The following WT1 variants were observed in gnomAD, a reference collection of about 807,000 sequenced individuals.
WT1 encodes WT1 transcription factor, also known as Wilms tumor protein.
Under a neutral mutation model 60.8 loss-of-function variants are expected in WT1, and 8 were observed. That is an observed-to-expected ratio of 0.13 (90% CI 0.08 to 0.24). The LOEUF is 0.24. Among genes scored for constraint, WT1 ranks in the 10% least tolerant of loss-of-function variants. The probability of loss-of-function intolerance (pLI) is 1.00; values close to 1 mark genes in which losing one functional copy is unlikely to be tolerated. For synonymous variants in WT1, 312 were observed against 297.1 expected (o/e 1.05, Z -0.52); for missense variants, 568 against 711.8 (o/e 0.80, Z 2.30).
chr11:32,421,141 G>A (rs1852841379), intron 3 of WT1, among the ~76,000 whole-genome samples: 1 of 152,178 alleles, frequency 6.6e-6, no homozygotes, highest in Admixed American at 6.5e-5. Context: ...AATGTGAACT[G>A]GAGCTAAAAA....
chr11:32,401,739 C>T (rs951836211), intron 5 of WT1, among the ~76,000 whole-genome samples: 1 of 152,078 alleles, frequency 6.6e-6, no homozygotes, highest in African/African-American at 2.4e-5. Context: ...GGGGTTTCAC[C>T]ATGTTGGCCA....
intron 1 of WT1, among the ~76,000 whole-genome samples, chr11:32,433,418 C>A (rs1252381076): frequency 6.6e-6 from 1 of 152,180 alleles, no homozygotes; most frequent in Admixed American, 6.5e-5. Flanking sequence ...TGAAGACGCG[C>A]GTTTAGAAGG....
chr11:32,430,791 C>G (rs1291691628), intron 1 of WT1: 1 of 1,316,164 alleles, frequency 7.6e-7, no homozygotes, highest in Non-Finnish European at 9.7e-7. Flanking sequence ...TCAGGTCCCC[C>G]CGGGAGGGGC....
chr11:32,414,817 G>A (rs1214996914), intron 5 of WT1, among the ~76,000 whole-genome samples: 1 of 150,814 alleles, frequency 6.6e-6, no homozygotes, highest in Non-Finnish European at 1.5e-5. Flanking sequence ...AGGTTCCAGT[G>A]AGCCAAGATC....
chr11:32,390,366 T>C (rs758819269), intron 9 of WT1, among the ~76,000 whole-genome samples: 2 of 152,136 alleles, frequency 1.3e-5, no homozygotes, highest in Non-Finnish European at 2.9e-5. Context: ...ACAGGTCATG[T>C]CACACTTACT....
intron 7 of WT1, among the ~76,000 whole-genome samples, chr11:32,394,808 T>C (rs1482176740): frequency 6.6e-6 from 1 of 152,236 alleles, no homozygotes; most frequent in Non-Finnish European, 1.5e-5. Flanking sequence ...GTTTTGGCTG[T>C]CTTGTTCACT....
intron 3 of WT1, among the ~76,000 whole-genome samples, chr11:32,424,160 C>CAAAA (rs10690035): frequency 0.085 from 7,751 of 91,654 alleles, 479 homozygotes; most frequent in African/African-American, 0.14. Flanking sequence ...GATGCCATCT[C>CAAAA]AAAAAAAAAA....
chr11:32,391,193 C>T (rs1243188059), intron 9 of WT1, among the ~76,000 whole-genome samples: 7 of 152,006 alleles, frequency 4.6e-5, no homozygotes, highest in Non-Finnish European at 8.8e-5. Flanking sequence ...CCATGTTGCC[C>T]AGGCTAGTCT....
At chr11:32,430,612 G>A in intron 1 of WT1, 1 of 1,566,850 alleles carries the variant, frequency 6.4e-7, no homozygotes, top group East Asian at 2.3e-5. Flanking sequence ...AACTGTCCGT[G>A]CCCGGCGAGG....
intron 9 of WT1, 91 bp from the exon 10 acceptor site, chr11:32,389,270 ACC>A: frequency 6.2e-7 from 1 of 1,602,670 alleles, no homozygotes; most frequent in East Asian, 2.2e-5. Flanking sequence ...ATCACAAGGC[ACC>A]CACTCTGAAT....
chr11:32,431,899 A>G (rs1395145759), intron 1 of WT1, among the ~76,000 whole-genome samples: 1 of 152,074 alleles, frequency 6.6e-6, no homozygotes, highest in Non-Finnish European at 1.5e-5. Flanking sequence ...AAAGGAGTAG[A>G]AACACCCTAG....
chr11:32,406,633 A>G (rs1408286927), intron 5 of WT1, among the ~76,000 whole-genome samples: 4 of 149,968 alleles, frequency 2.7e-5, no homozygotes, highest in Non-Finnish European at 6.0e-5. Flanking sequence ...AAAAAAAAAT[A>G]TATATATTTA....
intron 1 of WT1, among the ~76,000 whole-genome samples, chr11:32,433,806 C>T (rs1275239863): frequency 1.3e-5 from 2 of 152,240 alleles, no homozygotes; most frequent in African/African-American, 4.8e-5. Context: ...TGTATCCTGA[C>T]TAAGCACAGC....
rs1853144379 is a variant in WT1 at position 32,428,547 on chromosome 11, G to C, written c.734C>G (p.Pro245Arg). ...ATCCTCATGCTTGAATGAGTGGTTG[G>C]GGAACTGCGCCGCATGGTGCGAGGG... Residue 245 changes from proline (P) to arginine (R), a missense_variant, in exon 2 of 10, where the codon CCC becomes CGC. This residue lies in a region of WT1 where 523 missense variants were observed against 565.1 expected (regional missense o/e 0.93). Transcript: ENST00000452863. 6.2e-7 allele frequency: 1 copy of C among 1,614,112 alleles called. No individual in the cohort carries two copies. Among genetic ancestry groups the C allele is most frequent in the Non-Finnish European group, 8.5e-7 (1 of 1,180,036 alleles).
intron 7 of WT1, among the ~76,000 whole-genome samples, chr11:32,394,003 C>T (rs1490208026): frequency 6.6e-6 from 1 of 152,222 alleles, no homozygotes; most frequent in Non-Finnish European, 1.5e-5. Context: ...AGCAATCCTC[C>T]TACCTCAGCC....
rs1060501254 is a variant in WT1 at position 32,435,075 on chromosome 11, C to T, written c.286G>A (p.Gly96Ser). 5 of 1,483,668 alleles carry T rather than the reference C, an allele frequency of 3.4e-6. No homozygotes were observed. In the African/African-American group the frequency reaches 4.4e-5, roughly 13 times the overall value. 91.9% of individuals were successfully genotyped at this position (1,483,668 alleles called of 1,614,324 possible). A position where few individuals can be genotyped will look rare whatever the true frequency, so the allele number is the denominator to read the frequency against. ...GCGCCGCTCACAGGCAGGGCACAGC[C>T]GCCGCCGCCACCCAGGGAGGGGACG... Residue 96 changes from glycine (G) to serine (S), a missense_variant, in exon 1 of 10, where the codon GGC becomes AGC. Gly to Ser is a moderately conservative substitution (Grantham distance 56). Coordinates refer to ENST00000452863, the MANE Select transcript of WT1 (RefSeq NM_024426.6).
intron 5 of WT1, among the ~76,000 whole-genome samples, chr11:32,405,001 C>T (rs1852265831): frequency 6.6e-6 from 1 of 152,134 alleles, no homozygotes; most frequent in Non-Finnish European, 1.5e-5. Context: ...CCATGAATTT[C>T]CCGGTTATTG....
chr11:32,402,867 T>C (rs1232430284), intron 5 of WT1, among the ~76,000 whole-genome samples: 2 of 152,146 alleles, frequency 1.3e-5, no homozygotes, highest in Non-Finnish European at 2.9e-5. Flanking sequence ...CCACATTTTC[T>C]AGGGCTGAAG....
chr11:32,431,509 T>G (rs1853310133), intron 1 of WT1, among the ~76,000 whole-genome samples: 2 of 148,158 alleles, frequency 1.3e-5, no homozygotes, highest in African/African-American at 5.0e-5. Context: ...CGATCTCAGC[T>G]CACTTCAACC....
Sources: allele counts gnomAD v4.1 joint callset (sites outside exome capture counted in the v4.1 genomes callset), GRCh38; gene constraint gnomAD v4.1.1; regional missense constraint gnomAD v4.1.1; transcripts MANE v1.5; gene names NCBI Gene and HGNC (gene_info 2026-07-23, HGNC 2026-07-21).